The following CFAP74 variants were observed in gnomAD, a reference collection of about 807,000 sequenced individuals.
CFAP74 encodes the protein cilia and flagella associated protein 74.
A neutral mutation model predicts 188.9 loss-of-function variants in CFAP74; 124 were observed. The observed-to-expected ratio is 0.66, with a 90% CI of 0.57 to 0.76. The LOEUF (loss-of-function observed/expected upper bound fraction) is 0.76. Among genes scored for constraint, CFAP74 ranks in the 30% least tolerant of loss-of-function variants. The probability of loss-of-function intolerance (pLI) is 0.00; values close to 1 mark genes in which losing one functional copy is unlikely to be tolerated. For synonymous variants in CFAP74, 956 were observed against 916.7 expected (o/e 1.04, Z -0.77); for missense variants, 2,198 against 2,165.2 (o/e 1.02, Z -0.30).
intron 1 of CFAP74, among the ~76,000 whole-genome samples, chr1:2,000,490 C>A (rs1486090087): frequency 3.3e-5 from 5 of 152,108 alleles, no homozygotes; most frequent in Non-Finnish European, 5.9e-5. Context: ...TTCCCGGGGT[C>A]GCCATAACAA....
Position 1,923,032 on chromosome 1 carries a change from C to T in CFAP74, c.4636G>A (p.Glu1546Lys), listed in dbSNP as rs1651510516. The change falls in exon 37 of 39, where the codon GAG becomes AAG. Residue 1546 changes from glutamate to lysine, a missense_variant. Glu to Lys is a moderately conservative substitution (Grantham distance 56). Coordinates refer to ENST00000682832, the MANE Select transcript of CFAP74 (RefSeq NM_001304360.2). This position sits in a 1 kb window ranked among gnomAD's most constrained non-coding sequence, Gnocchi z 6.3. ...GTCCGGATACAGCCCACCTGCAGCT[C>T]TCGGGTGGCAGGTGGGGCTGGCGTG... is the stretch of plus-strand genomic sequence containing the variant. ...TDTPAPPATR[E>K]LQVGCIRTTQ... The T allele has an allele frequency of 6.2e-7, 1 of 1,606,800 alleles. No homozygotes were observed. The highest frequency in any genetic ancestry group is 1.1e-5 in the South Asian group (1 of 90,350).
At position 1,942,657 on chromosome 1, in the gene CFAP74, C is replaced by T. The variant is rs879626740; in HGVS notation, c.2487-501G>A. Among the ~76,000 whole-genome samples the T allele has an allele frequency of 3.3e-5, 5 of 152,202 alleles. No individual in the cohort carries two copies. The highest frequency in any genetic ancestry group is 1.3e-4 in the Admixed American group (2 of 15,286). ...ACGAGCCTGAGAGAGCCAAGGTACC[C>T]GCCAGTCACCTGGGAGGCCATGCGT... On this transcript the variant is annotated intron_variant, in intron 21 of 38. Transcript: ENST00000682832. This position sits in a 1 kb window ranked among gnomAD's most constrained non-coding sequence, Gnocchi z 4.3.
At chr1:1,948,359 G>C (rs886813379) in intron 18 of CFAP74, among the ~76,000 whole-genome samples, 2 of 149,834 alleles carry the variant, frequency 1.3e-5, no homozygotes, top group Non-Finnish European at 3.0e-5. Context: ...TGCAGCCTCG[G>C]CCTCCTGGTT....
chr1:1,958,887 G>C (rs1275093554), intron 16 of CFAP74, among the ~76,000 whole-genome samples: 1 of 152,170 alleles, frequency 6.6e-6, no homozygotes, highest in East Asian at 1.9e-4. Context: ...AGCAGGGTTT[G>C]TCTCATTTTT....
chr1:1,993,837 C>T (rs1254650865), intron 1 of CFAP74, among the ~76,000 whole-genome samples: 31 of 150,946 alleles, frequency 2.1e-4, no homozygotes, highest in African/African-American at 7.3e-4. Flanking sequence ...AAAAAATTAG[C>T]CGGGCGTGGT....
intron 6 of CFAP74, among the ~76,000 whole-genome samples, chr1:1,982,284 CACACGCGGGG>C (rs1175118468): frequency 9.4e-6 from 1 of 106,530 alleles, no homozygotes; most frequent in African/African-American, 3.1e-5. Context: ...CAGCCGTGGT[CACACGCGGGG>C]ACACGCAGGA....
chr1:1,952,425 C>T (rs1018118705), intron 18 of CFAP74, among the ~76,000 whole-genome samples: 1 of 150,434 alleles, frequency 6.6e-6, no homozygotes, highest in Non-Finnish European at 1.5e-5. Flanking sequence ...GAAACGAATC[C>T]AAATATATCA....
At chr1:1,981,757 T>A (rs1407852846) in intron 6 of CFAP74, among the ~76,000 whole-genome samples, 50 of 45,220 alleles carry the variant, frequency 1.1e-3, no homozygotes, top group Admixed American at 2.2e-3. Flanking sequence ...CCAGCCGCGG[T>A]CACACGCGGG....
chr1:1,924,385 G>T lies in CFAP74; in HGVS notation c.4234+6C>A, dbSNP rs749337199. The T allele has an allele frequency of 4.9e-5, 20 of 406,476 alleles. No individual in the cohort carries two copies. The highest frequency in any genetic ancestry group is 2.7e-4 in the East Asian group (3 of 11,164). The allele number at this position is 406,476 out of a possible 1,614,324, so 25.2% of individuals were successfully genotyped here. ...GCTCACCACCCACCCCCCACCCCCC[G>T]CTCACCGACCACCTCCGTCCTCTGG... On this transcript the variant is annotated splice_donor_region_variant and intron_variant, in intron 34 of 38. Transcript: ENST00000682832.
chr1:1,932,073 A>C (rs181131511), intron 25 of CFAP74, among the ~76,000 whole-genome samples: 53 of 58,246 alleles, frequency 9.1e-4, no homozygotes, highest in Middle Eastern at 7.8e-3. Context: ...CCTCAAAAAA[A>C]AAAAAACAAA....
intron 31 of CFAP74, 23 bp downstream of exon 31, chr1:1,926,434 C>T (rs71630948): frequency 1.3e-6 from 2 of 1,550,280 alleles, no homozygotes; most frequent in East Asian, 4.9e-5. Flanking sequence ...CGCAGGCCGC[C>T]TGAGCTGGGT....
chr1:1,926,733 A>G lies in CFAP74; in HGVS notation c.3691T>C (p.Trp1231Arg). The part of the protein sequence containing the change: ...SPHNTLYLEL[W>R]CPTVAPSVVV... ...ACAGATGGTGCCACCGTCGGGCACC[A>G]CAGCTCCAGGTACAGGGTGTTGTGG... is the stretch of plus-strand genomic sequence containing the variant. The change falls in exon 30 of 39, where the codon TGG (tryptophan) becomes CGG (arginine). Residue 1231 changes from tryptophan (W) to arginine (R), a missense_variant. Transcript: ENST00000682832. 1.3e-6 allele frequency: 2 copies of G among 1,550,116 alleles called. No individual in the cohort carries two copies. Among genetic ancestry groups the G allele is most frequent in the Non-Finnish European group, 1.7e-6 (2 of 1,146,836 alleles).
intron 1 of CFAP74, among the ~76,000 whole-genome samples, chr1:2,003,082 T>C (rs1333053269): frequency 6.6e-6 from 1 of 152,066 alleles, no homozygotes; most frequent in Non-Finnish European, 1.5e-5. Flanking sequence ...GACTTTGGGG[T>C]GCTGATGAGG....
chr1:1,941,578 C>T (rs147499738), intron 22 of CFAP74, among the ~76,000 whole-genome samples: 8 of 152,240 alleles, frequency 5.3e-5, no homozygotes, highest in African/African-American at 1.7e-4. Flanking sequence ...TGAAACAGAA[C>T]CCCAGGGAGT....
intron 1 of CFAP74, among the ~76,000 whole-genome samples, chr1:1,995,198 G>A (rs943362462): frequency 7.2e-5 from 11 of 151,792 alleles, no homozygotes; most frequent in South Asian, 2.1e-4. Flanking sequence ...TTTAATTCTC[G>A]TAAAAATGTT....
In CFAP74 at chr1:1,961,916, A is replaced by G. The variant is rs561459540; in HGVS notation, c.1694+1833T>C. 2.6e-5 allele frequency among the ~76,000 whole-genome samples: 4 copies of G among 152,336 alleles called. No individual in the cohort carries two copies. The East Asian group carries it at 7.7e-4, about 29-fold the overall frequency. On this transcript the variant is annotated intron_variant, in intron 14 of 38. Transcript: ENST00000682832. Reference sequence around the variant, plus strand: ...TCAGTGCTGATCTCAGGGAGGGGCCATCAGAGCCCACGCGCCCCTGGGGGC... The same window carrying G: ...TCAGTGCTGATCTCAGGGAGGGGCCGTCAGAGCCCACGCGCCCCTGGGGGC...
intron 28 of CFAP74, chr1:1,927,261 T>A: frequency 1.7e-6 from 1 of 597,968 alleles, no homozygotes; most frequent in Non-Finnish European, 2.9e-6. Context: ...TTGGGGCAGG[T>A]GCCTTTGGCC....
intron 4 of CFAP74, among the ~76,000 whole-genome samples, 184 bp downstream of exon 4, chr1:1,988,328 T>C (rs1657366238): frequency 1.3e-5 from 2 of 152,196 alleles, no homozygotes. Flanking sequence ...GGAAGGGGGC[T>C]GGGAGCGCTG....
chr1:1,923,995 T>C lies in CFAP74; in HGVS notation c.4235-66A>G. 1.3e-6 allele frequency: 2 copies of C among 1,537,322 alleles called. No individual in the cohort carries two copies. Among genetic ancestry groups the C allele is most frequent in the South Asian group, 2.5e-5 (2 of 80,472 alleles). ...CAATCACTGTCTGCCCTCCAAGCCT[T>C]GCTGCATAGAGCTCTACACCCTGCC... On this transcript the variant is annotated intron_variant, in intron 34 of 38. Coordinates refer to ENST00000682832, the MANE Select transcript of CFAP74 (RefSeq NM_001304360.2). This position sits in a 1 kb window ranked among gnomAD's most constrained non-coding sequence, Gnocchi z 6.3.
Sources: allele counts gnomAD v4.1 joint callset (sites outside exome capture counted in the v4.1 genomes callset), GRCh38; gene constraint gnomAD v4.1.1; non-coding constraint Gnocchi (gnomAD v3.1); transcripts MANE v1.5; gene names NCBI Gene and HGNC (gene_info 2026-07-23, HGNC 2026-07-21).